KLF12: variants seen among roughly 807,000 people sequenced by gnomAD.
KLF12 encodes Krueppel-like factor 12.
A neutral mutation model predicts 37.8 loss-of-function variants in KLF12; 9 were observed. The observed-to-expected ratio is 0.24, with a 90% CI of 0.14 to 0.42. KLF12 has a LOEUF of 0.42. Ranked by LOEUF, KLF12 falls within the 10% of genes least tolerant of loss-of-function variation. The pLI is 1.00. For synonymous variants in KLF12, 208 were observed against 202.1 expected (o/e 1.03, Z -0.25); for missense variants, 411 against 516.0 (o/e 0.80, Z 1.97).
intron 1 of KLF12, among the ~76,000 whole-genome samples, chr13:74,104,256 A>G (rs1876527623): frequency 6.6e-6 from 1 of 152,220 alleles, no homozygotes; most frequent in Non-Finnish European, 1.5e-5. Flanking sequence ...CTCTGTGGAA[A>G]CAGAGATATT....
the KLF12 span, among the ~76,000 whole-genome samples, chr13:74,153,331 G>C: frequency 6.6e-6 from 1 of 152,098 alleles, no homozygotes; most frequent in Non-Finnish European, 1.5e-5. Flanking sequence ...CTAGGACCTG[G>C]GTGAGAAAAG....
chr13:74,063,372 G>A (rs1873723914), intron 1 of KLF12, among the ~76,000 whole-genome samples: 1 of 152,166 alleles, frequency 6.6e-6, no homozygotes, highest in Non-Finnish European at 1.5e-5. Flanking sequence ...CCAATACCAT[G>A]CATTCAGACT....
chr13:74,209,741 A>T, the KLF12 span, among the ~76,000 whole-genome samples: 3 of 152,222 alleles, frequency 2.0e-5, no homozygotes, highest in Admixed American at 2.0e-4. Context: ...GGGTTAGATT[A>T]CATCATATAT....
chr13:74,034,072 T>C lies in KLF12; in HGVS notation c.-31-39019A>G, dbSNP rs529076160. ...TCACTTTTTTTGTTTTGTTTTGTTT[T>C]TGTTTTTTGAGACAGAGTCTCGCTC... On this transcript the variant is annotated intron_variant, in intron 1 of 7. Coordinates refer to ENST00000377669, the MANE Select transcript of KLF12 (RefSeq NM_007249.5). 5.9e-5 allele frequency among the ~76,000 whole-genome samples: 9 copies of C among 152,296 alleles called. No individual in the cohort carries two copies. In the South Asian group the frequency reaches 1.0e-3, roughly 18 times the overall value.
At chr13:73,890,167 T>A (rs140139363) in intron 3 of KLF12, among the ~76,000 whole-genome samples, 1,543 of 152,204 alleles carry the variant, frequency 0.01, 26 homozygotes, top group African/African-American at 0.035. Flanking sequence ...TTCCTCTGAT[T>A]TTCTCCCACC....
the KLF12 span, among the ~76,000 whole-genome samples, chr13:74,209,001 C>A: frequency 6.6e-6 from 1 of 152,094 alleles, no homozygotes; most frequent in East Asian, 1.9e-4. Context: ...GATAAAAGAT[C>A]TTATCTCAAT....
chr13:74,159,347 A>G, the KLF12 span, among the ~76,000 whole-genome samples: 3 of 152,234 alleles, frequency 2.0e-5, no homozygotes, highest in Non-Finnish European at 4.4e-5. Context: ...GACAAGTCAT[A>G]CAAGTGTATC....
chr13:74,241,522 G>C, the KLF12 span, among the ~76,000 whole-genome samples: 1 of 152,232 alleles, frequency 6.6e-6, no homozygotes, highest in Non-Finnish European at 1.5e-5. Flanking sequence ...CCTGGGCAAT[G>C]GCGGGCGCCC....
chr13:74,103,874 T>C (rs1329916055), intron 1 of KLF12, among the ~76,000 whole-genome samples: 1 of 152,218 alleles, frequency 6.6e-6, no homozygotes, highest in Non-Finnish European at 1.5e-5. Flanking sequence ...ATAGCATCAG[T>C]TTACAAAGTA....
chr13:74,000,865 A>G (rs1892262427), intron 1 of KLF12, among the ~76,000 whole-genome samples: 1 of 152,238 alleles, frequency 6.6e-6, no homozygotes, highest in South Asian at 2.1e-4. Context: ...CATATATTGT[A>G]CTCAATATAA....
chr13:73,995,429 G>A (rs540903743), intron 1 of KLF12, among the ~76,000 whole-genome samples: 10 of 152,288 alleles, frequency 6.6e-5, no homozygotes, highest in Admixed American at 3.3e-4. Flanking sequence ...CTGTATAAAA[G>A]AGAAGTCCCA....
intron 1 of KLF12, among the ~76,000 whole-genome samples, chr13:74,022,587 C>A (rs367957854): frequency 6.8e-6 from 1 of 147,516 alleles, no homozygotes; most frequent in Non-Finnish European, 1.5e-5. Context: ...CTTTCATTCT[C>A]ATTTCCTTCA....
At chr13:74,031,877 G>A (rs1009697489) in intron 1 of KLF12, among the ~76,000 whole-genome samples, 4 of 151,850 alleles carry the variant, frequency 2.6e-5, no homozygotes, top group Admixed American at 6.6e-5. Flanking sequence ...TCTAAATGTC[G>A]GGCTAAGCAA....
chr13:73,906,882 T>C (rs1888327531), intron 3 of KLF12, among the ~76,000 whole-genome samples: 1 of 152,212 alleles, frequency 6.6e-6, no homozygotes, highest in Admixed American at 6.5e-5. Context: ...TACTTTAATC[T>C]GGGTATCTCA....
chr13:73,708,446 G>T (rs2137630931), intron 7 of KLF12, among the ~76,000 whole-genome samples: 1 of 152,154 alleles, frequency 6.6e-6, no homozygotes, highest in Admixed American at 6.5e-5. Flanking sequence ...TCATTAAATT[G>T]TAATATTCTG....
chr13:73,798,240 C>T (rs993166079), intron 5 of KLF12, among the ~76,000 whole-genome samples: 9 of 152,096 alleles, frequency 5.9e-5, no homozygotes, highest in South Asian at 2.1e-4. Context: ...AAGCTTGACC[C>T]CTTCCTTACA....
At position 73,810,982 on chromosome 13, in the gene KLF12, C is replaced by CTTTCTTTTTTTTTTTTTTTT. The variant is rs1555308731; in HGVS notation, c.806+2169_806+2170insAAAAAAAAAAAAAAAAGAAA. ...ATGTTTATTTTTTTAATTTTTCTTT[C>CTTTCTTTTTTTTTTTTTTTT]TTTTTTTTTTTTTTTTTTTTTTTTT... On this transcript the variant is annotated intron_variant, in intron 5 of 7. Transcript: ENST00000377669. Among the ~76,000 whole-genome samples the CTTTCTTTTTTTTTTTTTTTT allele has an allele frequency of 9.8e-4, 44 of 44,816 alleles. 3 individuals are homozygous for CTTTCTTTTTTTTTTTTTTTT. The highest frequency in any genetic ancestry group is 3.5e-3 in the African/African-American group (41 of 11,870). The allele number at this position is 44,816 out of a possible 152,430, so 29.4% of individuals were successfully genotyped here. A position where few individuals can be genotyped will look rare whatever the true frequency, so the allele number is the denominator to read the frequency against.
chr13:74,009,957 A>G (rs1032658880), intron 1 of KLF12, among the ~76,000 whole-genome samples: 2 of 152,074 alleles, frequency 1.3e-5, no homozygotes, highest in Admixed American at 1.3e-4. Flanking sequence ...ATTTGCTTTT[A>G]CTTTTATTTT....
At chr13:73,819,369 A>C (rs1883403528) in intron 4 of KLF12, among the ~76,000 whole-genome samples, 1 of 152,192 alleles carries the variant, frequency 6.6e-6, no homozygotes, top group South Asian at 2.1e-4. Flanking sequence ...ATTCCCTTCT[A>C]TAACACTCCT....
Sources: gnomAD v4.1 joint callset for allele counts (sites outside exome capture counted in the v4.1 genomes callset) on GRCh38, gnomAD v4.1.1 for gene constraint, MANE v1.5 for transcripts, NCBI Gene and HGNC (gene_info 2026-07-23, HGNC 2026-07-21) for gene names.